The following SYNE2 variants were observed in gnomAD, a reference collection of about 807,000 sequenced individuals.
SYNE2 encodes spectrin repeat containing nuclear envelope protein 2.
Under a neutral mutation model 856.3 loss-of-function variants are expected in SYNE2, and 431 were observed. The ratio of observed to expected loss-of-function variants is 0.50; its 90% CI spans 0.47 to 0.55. The LOEUF (loss-of-function observed/expected upper bound fraction) is 0.55. SYNE2 is among the 20% of genes least tolerant of loss of function. The pLI, the probability that SYNE2 is intolerant of heterozygous loss-of-function variation, is 0.00. For synonymous variants in SYNE2, 2,923 were observed against 2,872.3 expected, an observed-to-expected ratio of 1.02 and a Z score of -0.56; for missense variants, 8,129 against 8,023.2, an observed-to-expected ratio of 1.01 and a Z score of -0.50.
intron 1 of SYNE2, among the ~76,000 whole-genome samples, chr14:63,867,398 AGAG>A (rs1483943324): frequency 1.6e-4 from 20 of 126,106 alleles, no homozygotes; most frequent in Admixed American, 9.2e-4. Context: ...AAAAAAAAAA[AGAG>A]AGAGAGAGAG....
rs773296646 is a variant in SYNE2 at position 64,163,452 on chromosome 14, C to T, written c.16350C>T (p.Ser5450=). 1.2e-6 allele frequency: 2 copies of T among 1,614,160 alleles called. No homozygotes were observed. Among genetic ancestry groups the T allele is most frequent in the Non-Finnish European group, 1.7e-6 (2 of 1,180,034 alleles). Residue 5450 remains serine (S), a synonymous_variant, in exon 89 of 116, where the codon TCC becomes TCT. Transcript: ENST00000555002. ...CAAAAGAAGCCTTTCTCCAAAATTCCAGTGTCCTGGATCGACTCCCACAAC... is the reference window on the plus strand; with the variant it reads ...CAAAAGAAGCCTTTCTCCAAAATTCTAGTGTCCTGGATCGACTCCCACAAC... The part of the protein sequence containing the change: ...QKTKEAFLQN[S]SVLDRLPQPA...
intron 1 of SYNE2, among the ~76,000 whole-genome samples, chr14:63,865,875 C>G (rs1895164800): frequency 6.6e-6 from 1 of 152,110 alleles, no homozygotes; most frequent in African/African-American, 2.4e-5. Flanking sequence ...AGCATATCTT[C>G]TAGCTCATTA....
At chr14:64,184,091 C>T (rs764330154) in intron 96 of SYNE2, among the ~76,000 whole-genome samples, 3 of 152,078 alleles carry the variant, frequency 2.0e-5, no homozygotes, top group Non-Finnish European at 4.4e-5. Flanking sequence ...AGACCTCATT[C>T]TATATATTGT....
chr14:63,914,855 G>A (rs1299963576), intron 2 of SYNE2, among the ~76,000 whole-genome samples: 9 of 152,184 alleles, frequency 5.9e-5, no homozygotes. Flanking sequence ...TTGGCCCACT[G>A]CAGCCTCCAC....
intron 70 of SYNE2, among the ~76,000 whole-genome samples, chr14:64,123,463 T>A (rs1270140201): frequency 3.3e-5 from 5 of 152,256 alleles, no homozygotes; most frequent in Non-Finnish European, 7.3e-5. Context: ...CTAAGGACCT[T>A]ATTTGACCAA....
At chr14:64,222,704 C>T (rs940590013) in intron 112 of SYNE2, among the ~76,000 whole-genome samples, 11 of 152,156 alleles carry the variant, frequency 7.2e-5, no homozygotes, top group South Asian at 2.1e-4. Context: ...CCACCCTGGG[C>T]GACAGAGTGA....
At chr14:64,021,015 A>T (rs2096932008) in intron 35 of SYNE2, among the ~76,000 whole-genome samples, 1 of 152,180 alleles carries the variant, frequency 6.6e-6, no homozygotes, top group Non-Finnish European at 1.5e-5. Flanking sequence ...ATTTTATGTC[A>T]TGAGCACCAT....
chr14:64,112,278 T>G (rs1318495481), intron 65 of SYNE2, among the ~76,000 whole-genome samples: 1 of 152,262 alleles, frequency 6.6e-6, no homozygotes, highest in East Asian at 1.9e-4. Flanking sequence ...AATTACATTT[T>G]ATTATTAGAT....
rs144747975 is a variant in SYNE2 at position 64,115,847 on chromosome 14, A to G, written c.12840+2276A>G. Reference sequence around the variant, plus strand: ...AGTGGAAAAATGGCCAAAGGACAGGAGCAAACAGTTCAGTGAAGATTATGG... The same window carrying G: ...AGTGGAAAAATGGCCAAAGGACAGGGGCAAACAGTTCAGTGAAGATTATGG... On this transcript the variant is annotated intron_variant, in intron 66 of 115. Coordinates refer to ENST00000555002, the MANE Select transcript of SYNE2 (RefSeq NM_182914.3). 6.7e-3 allele frequency among the ~76,000 whole-genome samples: 1,025 copies of G among 152,276 alleles called. 12 individuals are homozygous for G. The highest frequency in any genetic ancestry group is 0.023 in the African/African-American group (972 of 41,552).
chr14:63,841,787 G>A (rs944447095), intron 1 of SYNE2, among the ~76,000 whole-genome samples: 1 of 148,076 alleles, frequency 6.8e-6, no homozygotes, highest in African/African-American at 2.5e-5. Flanking sequence ...TCTGTGAATT[G>A]TCTGTTCATG....
At position 64,225,864 on chromosome 14, in the gene SYNE2, G is replaced by A; in HGVS notation, c.*338G>A. On this transcript the variant is annotated 3_prime_UTR_variant, in exon 116 of 116. Transcript: ENST00000555002. Reference sequence around the variant, plus strand: ...AACAGCATTATTATAATGTAGGTATGGTCAATGAGCAGTGGTGTCCATCAC... The same window carrying A: ...AACAGCATTATTATAATGTAGGTATAGTCAATGAGCAGTGGTGTCCATCAC... 1 of 562,222 alleles carries A rather than the reference G, an allele frequency of 1.8e-6. No individual in the cohort carries two copies. Among genetic ancestry groups the A allele is most frequent in the Non-Finnish European group, 3.2e-6 (1 of 314,590 alleles). The allele number at this position is 562,222 out of a possible 1,614,324, so 34.8% of individuals were successfully genotyped here.
intron 108 of SYNE2, 46 bp downstream of exon 108, chr14:64,216,433 T>C: frequency 6.3e-7 from 1 of 1,593,712 alleles, no homozygotes; most frequent in Non-Finnish European, 8.6e-7. Flanking sequence ...CTGTGAGTCA[T>C]ACTTACATTT....
At chr14:63,783,114 G>C (rs1887374181) in intron 1 of SYNE2, among the ~76,000 whole-genome samples, 1 of 152,076 alleles carries the variant, frequency 6.6e-6, no homozygotes, top group Non-Finnish European at 1.5e-5. Flanking sequence ...TGTGTCAAGG[G>C]AGAGACCGGG....
chr14:64,178,128 C>CAA (rs2098442993), intron 96 of SYNE2, among the ~76,000 whole-genome samples: 1 of 152,088 alleles, frequency 6.6e-6, no homozygotes, highest in South Asian at 2.1e-4. Flanking sequence ...TTTTTTCTTC[C>CAA]TTCAGTGACT....
In SYNE2 at chr14:64,167,528, T is replaced by G. The variant is rs1379789607; in HGVS notation, c.16794T>G (p.Phe5598Leu). 6.2e-7 allele frequency: 1 copy of G among 1,614,244 alleles called. No homozygotes were observed. The highest frequency in any genetic ancestry group is 1.3e-5 in the African/African-American group (1 of 75,064). The change falls in exon 92 of 116, where the codon TTT becomes TTG. Residue 5598 changes from phenylalanine to leucine, a missense_variant. This residue lies in a region of SYNE2 where 5,410 missense variants were observed against 5,284.8 expected (regional missense o/e 1.02). Coordinates refer to ENST00000555002, the MANE Select transcript of SYNE2 (RefSeq NM_182914.3). ...AGGGAATTGGATTGAATGAAAAGTT[T>G]CTTTATTGCTGTGAAAAGTGGATCC... is the stretch of plus-strand genomic sequence containing the variant. ...ELQGIGLNEK[F>L]LYCCEKWIQL...
chr14:64,061,412 A>C (rs961254471), intron 49 of SYNE2, among the ~76,000 whole-genome samples: 1 of 152,246 alleles, frequency 6.6e-6, no homozygotes, highest in African/African-American at 2.4e-5. Flanking sequence ...GTGATCATTC[A>C]GAACAAAAGG....
In SYNE2 at chr14:64,051,917, G is replaced by A; in HGVS notation, c.8004G>A (p.Leu2668=). The change falls in exon 48 of 116, where the codon TTG becomes TTA. Residue 2668 remains leucine, a synonymous_variant. Coordinates refer to ENST00000555002, the MANE Select transcript of SYNE2 (RefSeq NM_182914.3). ...CAGGGAACCAAAGCATGATTGCCTT[G>A]ACCACTGACCTCCAGGCTACCAAGC... ...ERAGNQSMIA[L]TTDLQATKHG... is the part of the protein sequence containing the mutation. 6.2e-7 allele frequency: 1 copy of A among 1,613,864 alleles called. No individual in the cohort carries two copies. The highest frequency in any genetic ancestry group is 2.2e-5 in the East Asian group (1 of 44,884).
chr14:63,926,026 T>A (rs963148579), intron 2 of SYNE2, among the ~76,000 whole-genome samples: 1 of 152,096 alleles, frequency 6.6e-6, no homozygotes, highest in Non-Finnish European at 1.5e-5. Flanking sequence ...TATTTTTTTG[T>A]GGAGACCTGG....
At chr14:63,886,759 A>G (rs2094996417) in intron 1 of SYNE2, among the ~76,000 whole-genome samples, 1 of 152,068 alleles carries the variant, frequency 6.6e-6, no homozygotes, top group Non-Finnish European at 1.5e-5. Context: ...TTCTGGGTTC[A>G]AGTGATTCTC....
Sources: allele counts gnomAD v4.1 joint callset (sites outside exome capture counted in the v4.1 genomes callset), GRCh38; gene constraint gnomAD v4.1.1; regional missense constraint gnomAD v4.1.1; transcripts MANE v1.5; gene names NCBI Gene and HGNC (gene_info 2026-07-23, HGNC 2026-07-21).